SNRPG: variants seen among roughly 807,000 people sequenced by gnomAD.
SNRPG encodes the protein small nuclear ribonucleoprotein G.
Under a neutral mutation model 13.9 loss-of-function variants are expected in SNRPG, and 3 were observed. That is an observed-to-expected ratio of 0.22 (90% CI 0.10 to 0.56). The LOEUF (loss-of-function observed/expected upper bound fraction) is 0.56. SNRPG is among the 20% of genes least tolerant of loss of function. The probability of loss-of-function intolerance (pLI) is 0.93; values close to 1 mark genes in which losing one functional copy is unlikely to be tolerated. For synonymous variants in SNRPG, 29 were observed against 29.3 expected (o/e 0.99, Z 0.03); for missense variants, 34 against 96.1 (o/e 0.35, Z 2.70).
intron 1 of SNRPG, 114 bp downstream of exon 1, chr2:70,293,504 G>T: frequency 1.0e-6 from 1 of 967,494 alleles, no homozygotes; most frequent in Non-Finnish European, 1.7e-6. Flanking sequence ...ACCTCGGACC[G>T]GAAGAAGAAA....
chr2:70,293,439 G>T (rs1697157069), intron 1 of SNRPG, 179 bp downstream of exon 1: 10 of 691,630 alleles, frequency 1.4e-5, no homozygotes, highest in Non-Finnish European at 2.7e-6. Flanking sequence ...ACCGACGCGC[G>T]AGCTCTGCGC....
intron 1 of SNRPG, among the ~76,000 whole-genome samples, chr2:70,292,389 C>T (rs1697122736): frequency 6.6e-6 from 1 of 152,008 alleles, no homozygotes; most frequent in Admixed American, 6.6e-5. Flanking sequence ...GTCTTGTTAC[C>T]CAGGCTGGAG....
At chr2:70,289,437 T>C (rs1455919886) in intron 1 of SNRPG, 65 bp from the exon 2 acceptor site, 8 of 799,910 alleles carry the variant, frequency 1.0e-5, no homozygotes, top group Admixed American at 2.8e-5. Context: ...AACAAGTAAA[T>C]AGGTATAGTT....
chr2:70,282,920 C>T (rs1249051722), intron 3 of SNRPG, among the ~76,000 whole-genome samples: 2 of 151,352 alleles, frequency 1.3e-5, no homozygotes, highest in South Asian at 2.1e-4. Flanking sequence ...ATGGAGAAAC[C>T]CCCATCTCTA....
At chr2:70,285,579 C>T (rs866968452) in intron 3 of SNRPG, among the ~76,000 whole-genome samples, 16 of 152,086 alleles carry the variant, frequency 1.1e-4, no homozygotes, top group Middle Eastern at 3.4e-3. Context: ...CATACACACG[C>T]GCGTGCACAC....
intron 3 of SNRPG, among the ~76,000 whole-genome samples, chr2:70,284,992 A>G (rs571242609): frequency 3.7e-4 from 56 of 152,254 alleles, no homozygotes; most frequent in African/African-American, 1.3e-3. Context: ...TTTGTCTAGC[A>G]TCTCCATGCT....
intron 3 of SNRPG, chr2:70,287,210 C>A: frequency 1.5e-6 from 1 of 666,110 alleles, no homozygotes; most frequent in Non-Finnish European, 2.7e-6. Context: ...AACTTTACTG[C>A]TCAAACTTAA....
intron 3 of SNRPG, among the ~76,000 whole-genome samples, chr2:70,285,597 CACAG>C (rs1335754707): frequency 1.3e-5 from 2 of 152,022 alleles, no homozygotes; most frequent in African/African-American, 4.8e-5. Flanking sequence ...CACACACACA[CACAG>C]AAATTTGTGC....
rs778482328 is a variant in SNRPG at position 70,291,058 on chromosome 2, CAT to C, written c.33-1688_33-1687del. ...ACACACACACACACACACACACACA[CAT>C]ATATGAAGTAAACTATATTTTAATA... On this transcript the variant is annotated intron_variant, in intron 1 of 3. Coordinates refer to ENST00000272348, the MANE Select transcript of SNRPG (RefSeq NM_003096.4). Among the ~76,000 whole-genome samples the C allele has an allele frequency of 2.8e-3, 376 of 136,180 alleles. 1 individual carries two copies. Among genetic ancestry groups the C allele is most frequent in the African/African-American group, 6.0e-3 (213 of 35,220 alleles). 89.3% of individuals were successfully genotyped at this position (136,180 alleles called of 152,430 possible).
intron 1 of SNRPG, among the ~76,000 whole-genome samples, chr2:70,292,081 G>A (rs1254281928): frequency 6.6e-6 from 1 of 151,308 alleles, no homozygotes; most frequent in Non-Finnish European, 1.5e-5. Context: ...CCGAGTAGCT[G>A]GGACTACAAG....
chr2:70,282,226 C>A (rs1004269891), intron 3 of SNRPG, among the ~76,000 whole-genome samples: 18 of 152,058 alleles, frequency 1.2e-4, no homozygotes, highest in African/African-American at 4.1e-4. Flanking sequence ...CTAATTTCAC[C>A]TTCTAAAATG....
At chr2:70,293,345 A>G in intron 1 of SNRPG, 1 of 635,040 alleles carries the variant, frequency 1.6e-6, no homozygotes, top group East Asian at 2.7e-5. Flanking sequence ...AACGAGGGAC[A>G]GCGCCGGGTG....
At chr2:70,285,195 A>G (rs1368824644) in intron 3 of SNRPG, among the ~76,000 whole-genome samples, 5 of 152,240 alleles carry the variant, frequency 3.3e-5, no homozygotes, top group East Asian at 1.9e-4. Flanking sequence ...TCTTGACTTA[A>G]TAAGAAAAAG....
At chr2:70,293,211 A>G in intron 1 of SNRPG, 1 of 702,410 alleles carries the variant, frequency 1.4e-6, no homozygotes, top group Non-Finnish European at 2.6e-6. Context: ...GTAGTTTTAA[A>G]AACACTTCCT....
At chr2:70,290,566 T>G (rs940855707) in intron 1 of SNRPG, among the ~76,000 whole-genome samples, 1 of 151,936 alleles carries the variant, frequency 6.6e-6, no homozygotes, top group Non-Finnish European at 1.5e-5. Flanking sequence ...GAAAAAAAGA[T>G]GTTTAGTATA....
Position 70,288,154 on chromosome 2 carries a change from G to A in SNRPG, c.94C>T (p.Arg32Trp), listed in dbSNP as rs1205869193. Reference protein sequence around the residue: ...NGGRHVQGILRGFDPFMNLVI... With the variant: ...NGGRHVQGILWGFDPFMNLVI... ...AGGTTCATAAAGGGATCAAATCCCC[G>A]CAATATTCCTTGGACATGTCTGCCA... Residue 32 changes from arginine (R) to tryptophan (W), a missense_variant, in exon 3 of 4, where the codon CGG becomes TGG. Arg to Trp is a moderately radical substitution (Grantham distance 101). Coordinates refer to ENST00000272348, the MANE Select transcript of SNRPG (RefSeq NM_003096.4). The A allele has an allele frequency of 6.2e-7, 1 of 1,610,904 alleles. No individual in the cohort carries two copies. Among genetic ancestry groups the A allele is most frequent in the East Asian group, 2.2e-5 (1 of 44,840 alleles).
intron 3 of SNRPG, chr2:70,287,454 A>G (rs1402574130): frequency 1.5e-6 from 1 of 657,452 alleles, no homozygotes; most frequent in Non-Finnish European, 2.7e-6. Context: ...CAATGAATGT[A>G]GGAATGTTTA....
intron 3 of SNRPG, among the ~76,000 whole-genome samples, chr2:70,283,464 T>C (rs1331334198): frequency 6.6e-6 from 1 of 152,146 alleles, no homozygotes; most frequent in Non-Finnish European, 1.5e-5. Flanking sequence ...GTAAAAGTAG[T>C]TGTAACTTAT....
At chr2:70,292,943 A>T (rs1697139184) in intron 1 of SNRPG, 2 of 578,616 alleles carry the variant, frequency 3.5e-6, no homozygotes, top group Non-Finnish European at 6.1e-6. Flanking sequence ...CTCCTACTTA[A>T]AGTTGTTTGA....
Sources: gnomAD v4.1 joint callset for allele counts (sites outside exome capture counted in the v4.1 genomes callset) on GRCh38, gnomAD v4.1.1 for gene constraint, MANE v1.5 for transcripts, NCBI Gene and HGNC (gene_info 2026-07-23, HGNC 2026-07-21) for gene names.